Variants in JADE1 observed in about 807,000 individuals in gnomAD.
The protein encoded by JADE1 is protein Jade-1.
A neutral mutation model predicts 81.8 loss-of-function variants in JADE1; 14 were observed. That is an observed-to-expected ratio of 0.17 (90% CI 0.11 to 0.27). The LOEUF is 0.27. Ranked by LOEUF, JADE1 falls within the 10% of genes least tolerant of loss-of-function variation. The pLI is 1.00. For synonymous variants in JADE1, 353 were observed against 391.9 expected, an observed-to-expected ratio of 0.90 and a Z score of 1.17; for missense variants, 690 against 1,047.9, an observed-to-expected ratio of 0.66 and a Z score of 4.71.
At chr4:128,818,739 A>C (rs1000774857) in intron 1 of JADE1, among the ~76,000 whole-genome samples, 1 of 152,232 alleles carries the variant, frequency 6.6e-6, no homozygotes, top group Non-Finnish European at 1.5e-5. Context: ...TAAAATTTTT[A>C]TGAATTTTGT....
At chr4:128,825,511 A>G (rs537052646) in intron 1 of JADE1, among the ~76,000 whole-genome samples, 52 of 152,340 alleles carry the variant, frequency 3.4e-4, no homozygotes, top group African/African-American at 1.2e-3. Context: ...AATCTATTGC[A>G]TGCAGATTTT....
At chr4:128,862,594 C>T in intron 9 of JADE1, 1 of 1,062,138 alleles carries the variant, frequency 9.4e-7, no homozygotes, top group South Asian at 3.4e-5. Flanking sequence ...GGTTTACAGA[C>T]TGATTTAGAA....
rs11443617 is a variant in JADE1, at chr4:128,836,737, G to GTT, written c.52+4943_52+4944dup. 4.3e-3 allele frequency among the ~76,000 whole-genome samples: 571 copies of GTT among 133,100 alleles called. 12 individuals are homozygous for GTT. Among genetic ancestry groups the GTT allele is most frequent in the East Asian group, 7.0e-3 (32 of 4,540 alleles). 87.3% of individuals were successfully genotyped at this position (133,100 alleles called of 152,430 possible). On this transcript the variant is annotated intron_variant, in intron 2 of 10. Coordinates refer to ENST00000226319, the MANE Select transcript of JADE1 (RefSeq NM_199320.4). ...GCAAATAGTAGCTCTGATCAGCACT[G>GTT]TTTTTTTTTTTTTTTTTGAGATGGA...
chr4:128,815,322 G>C (rs1579087106), intron 1 of JADE1, among the ~76,000 whole-genome samples: 1 of 151,950 alleles, frequency 6.6e-6, no homozygotes, highest in Non-Finnish European at 1.5e-5. Flanking sequence ...GGATGGTCTC[G>C]ATCTCCTGAC....
At chr4:128,850,762 A>G (rs1476886593) in intron 5 of JADE1, among the ~76,000 whole-genome samples, 1 of 152,256 alleles carries the variant, frequency 6.6e-6, no homozygotes. Context: ...GTGTTAAGTC[A>G]GAGGACTCAG....
At chr4:128,855,223 T>C (rs1730690183) in intron 6 of JADE1, among the ~76,000 whole-genome samples, 1 of 152,224 alleles carries the variant, frequency 6.6e-6, no homozygotes, top group African/African-American at 2.4e-5. Context: ...AAATAGCTTC[T>C]CTCACGGAAC....
chr4:128,819,236 T>C lies in JADE1; in HGVS notation c.-27+9359T>C, dbSNP rs1727326968. 3.3e-5 allele frequency among the ~76,000 whole-genome samples: 5 copies of C among 150,612 alleles called. No individual in the cohort carries two copies. The South Asian group carries it at 8.5e-4, about 26-fold the overall frequency. On this transcript the variant is annotated intron_variant, in intron 1 of 10. Transcript: ENST00000226319. ...GGCTACGCTGAGGGCTGTGGGTTGT[T>C]TTTGTTTCGCTCTTTTTGCCCAGGC...
Position 128,846,681 on chromosome 4 carries a change from T to G in JADE1, c.296+149T>G, listed in dbSNP as rs1367379093. On this transcript the variant is annotated intron_variant, in intron 4 of 10. Coordinates refer to ENST00000226319, the MANE Select transcript of JADE1 (RefSeq NM_199320.4). The surrounding 1 kb of genome is among the most constrained non-coding windows in gnomAD (Gnocchi z 4.0). ...ATGAGGCCTCAAGTGGAAATAGAAATTCAGGAGCAACATACTTCAGGCATA... is the reference window on the plus strand; with the variant it reads ...ATGAGGCCTCAAGTGGAAATAGAAAGTCAGGAGCAACATACTTCAGGCATA... 2.5e-6 allele frequency: 2 copies of G among 799,846 alleles called. No homozygotes were observed. The highest frequency in any genetic ancestry group is 1.9e-6 in the Non-Finnish European group (1 of 520,640). The allele number at this position is 799,846 out of a possible 1,614,324, so 49.5% of individuals were successfully genotyped here.
rs111232524 is a variant in JADE1 at position 128,835,873 on chromosome 4, G to A, written c.52+4063G>A. ...TACCAGTGTGGTATTTACAGTTGGG[G>A]ACGGACAGGCATTTTCTGTGCCAGG... On this transcript the variant is annotated intron_variant, in intron 2 of 10. Coordinates refer to ENST00000226319, the MANE Select transcript of JADE1 (RefSeq NM_199320.4). Among the ~76,000 whole-genome samples, 1,016 of 152,348 alleles carry A rather than the reference G, an allele frequency of 6.7e-3. 1 individual carries two copies. The highest frequency in any genetic ancestry group is 0.01 in the Middle Eastern group (3 of 294).
At chr4:128,842,122 T>C (rs1729481577) in intron 2 of JADE1, among the ~76,000 whole-genome samples, 1 of 152,090 alleles carries the variant, frequency 6.6e-6, no homozygotes, top group East Asian at 1.9e-4. Context: ...ACTAAGTTTG[T>C]TTACCTCCCG....
rs916492111 is a variant in JADE1, at chr4:128,873,124, A to G, written c.*862A>G. ...CCAATACCTGGCCATCTGGCTTCCA[A>G]TAGTACAGTGGCTACTCAAGTTCAA... On this transcript the variant is annotated 3_prime_UTR_variant, in exon 11 of 11. Transcript: ENST00000226319. 2.3e-5 allele frequency: 7 copies of G among 301,190 alleles called. No individual in the cohort carries two copies. Among genetic ancestry groups the G allele is most frequent in the Admixed American group, 8.0e-5 (2 of 25,086 alleles). The allele number at this position is 301,190 out of a possible 1,614,324, so 18.7% of individuals were successfully genotyped here.
chr4:128,869,886 A>T (rs936836707), intron 10 of JADE1, among the ~76,000 whole-genome samples: 4 of 152,052 alleles, frequency 2.6e-5, no homozygotes, highest in African/African-American at 9.7e-5. Context: ...TCGTGTTCTT[A>T]TTCATGCCTA....
Position 128,857,353 on chromosome 4 carries a change from C to T in JADE1, c.880C>T (p.Pro294Ser). ...CGACCTTTAGGTGAGCATTGGCAGC[C>T]CAGAGAAGATGGAGCCCATCACCAA... ...LWIPEVSIGSPEKMEPITKVS... is the reference protein window; with the variant it reads ...LWIPEVSIGSSEKMEPITKVS... The change falls in exon 8 of 11, where the codon CCA becomes TCA. Residue 294 changes from proline (P) to serine (S), a missense_variant. Pro to Ser is a moderately conservative substitution (Grantham distance 74). Transcript: ENST00000226319. The T allele has an allele frequency of 6.2e-7, 1 of 1,614,014 alleles. No individual in the cohort carries two copies. The highest frequency in any genetic ancestry group is 8.5e-7 in the Non-Finnish European group (1 of 1,179,932).
chr4:128,819,106 T>G (rs1431217039), intron 1 of JADE1, among the ~76,000 whole-genome samples: 1 of 152,186 alleles, frequency 6.6e-6, no homozygotes, highest in Non-Finnish European at 1.5e-5. Flanking sequence ...TCCCCAGATT[T>G]ATAGTAAGAC....
At chr4:128,827,293 T>C (rs1025635179) in intron 1 of JADE1, among the ~76,000 whole-genome samples, 1 of 152,138 alleles carries the variant, frequency 6.6e-6, no homozygotes, top group East Asian at 1.9e-4. Context: ...TAACAGTGCA[T>C]TGAAAAGCAA....
intron 1 of JADE1, among the ~76,000 whole-genome samples, chr4:128,822,634 G>A (rs544293695): frequency 1.8e-4 from 27 of 151,960 alleles, no homozygotes; most frequent in Non-Finnish European, 3.5e-4. Context: ...CAGGAGAATC[G>A]CTTGAACCTG....
intron 2 of JADE1, among the ~76,000 whole-genome samples, chr4:128,837,487 A>T (rs1729076702): frequency 6.6e-6 from 1 of 152,206 alleles, no homozygotes; most frequent in South Asian, 2.1e-4. Flanking sequence ...ACGCTGGGGT[A>T]AAAAACTATG....
At chr4:128,858,272 C>T (rs570842110) in intron 8 of JADE1, among the ~76,000 whole-genome samples, 14 of 152,168 alleles carry the variant, frequency 9.2e-5, no homozygotes, top group African/African-American at 3.1e-4. Context: ...CTGAGAAGTT[C>T]GTTTTTAGGC....
Position 128,871,722 on chromosome 4 carries a change from T to C in JADE1, c.1989T>C (p.Arg663=), listed in dbSNP as rs1312679881. 2.5e-6 allele frequency: 4 copies of C among 1,614,056 alleles called. No individual in the cohort carries two copies. Among genetic ancestry groups the C allele is most frequent in the Non-Finnish European group, 3.4e-6 (4 of 1,180,002 alleles). ...MPDHGKRRDN[R]FHCDLIKGDL... Reference sequence around the variant, plus strand: ...ACCATGGGAAAAGAAGAGACAATCGTTTTCATTGTGATCTCATTAAAGGAG... The same window carrying C: ...ACCATGGGAAAAGAAGAGACAATCGCTTTCATTGTGATCTCATTAAAGGAG... Residue 663 remains arginine, a synonymous_variant, in exon 11 of 11, where the codon CGT becomes CGC. Transcript: ENST00000226319. The surrounding 1 kb of genome is among the most constrained non-coding windows in gnomAD (Gnocchi z 4.1).
Sources: allele counts gnomAD v4.1 joint callset (sites outside exome capture counted in the v4.1 genomes callset), GRCh38; gene constraint gnomAD v4.1.1; non-coding constraint Gnocchi (gnomAD v3.1); transcripts MANE v1.5; gene names NCBI Gene and HGNC (gene_info 2026-07-23, HGNC 2026-07-21).